UACA: variants seen among roughly 807,000 people sequenced by gnomAD.
UACA encodes uveal autoantigen with coiled-coil domains and ankyrin repeats.
In UACA, 112 loss-of-function variants were observed where a neutral mutation model predicts 160.5. The ratio of observed to expected loss-of-function variants is 0.70; its 90% CI spans 0.60 to 0.82. The LOEUF is 0.82. UACA is among the 40% of genes least tolerant of loss of function. UACA has a pLI of 0.00. For synonymous variants in UACA, 557 were observed against 568.4 expected, an observed-to-expected ratio of 0.98 and a Z score of 0.29; for missense variants, 1,574 against 1,614.6, an observed-to-expected ratio of 0.97 and a Z score of 0.43.
Position 70,668,516 on chromosome 15 carries a change from T to C in UACA, c.2168A>G (p.Tyr723Cys), listed in dbSNP as rs761196411. 3 of 1,610,278 alleles carry C rather than the reference T, an allele frequency of 1.9e-6. No individual in the cohort carries two copies. The South Asian group carries it at 3.3e-5, about 18-fold the overall frequency. Residue 723 changes from tyrosine to cysteine, a missense_variant, in exon 16 of 19, where the codon TAT becomes TGT. Transcript: ENST00000322954. ...CTCCTTGAGGAGCTTATTATCCAAA[T>C]AAACTTTTTCAATTTCCTTTTGTAG... Reference protein sequence around the residue: ...QTLQKEIEKVYLDNKLLKEQA... With the variant: ...QTLQKEIEKVCLDNKLLKEQA...
chr15:70,759,442 G>A (rs530900801), intron 1 of UACA, among the ~76,000 whole-genome samples: 1 of 152,302 alleles, frequency 6.6e-6, no homozygotes, highest in South Asian at 2.1e-4. Context: ...GATCACCTGA[G>A]GTCAGAAGTT....
rs78719631 is a variant in UACA, at chr15:70,702,241, G to A, written c.79-2581C>T. ...AGTTGTCCCTTTGAGGGACCCCACTGGAAAACTTGAACAGCACTCTGCATC... is the reference window on the plus strand; with the variant it reads ...AGTTGTCCCTTTGAGGGACCCCACTAGAAAACTTGAACAGCACTCTGCATC... On this transcript the variant is annotated intron_variant, in intron 1 of 18. Coordinates refer to ENST00000322954, the MANE Select transcript of UACA (RefSeq NM_018003.4). The A allele has an allele frequency of 2.5e-4, 268 of 1,076,202 alleles. 1 individual carries two copies. In the African/African-American group the frequency reaches 4.3e-3, roughly 17 times the overall value. 66.7% of individuals were successfully genotyped at this position (1,076,202 alleles called of 1,614,324 possible). A position where few individuals can be genotyped will look rare whatever the true frequency, so the allele number is the denominator to read the frequency against.
At chr15:70,751,058 A>ACAGCAG (rs1022193572) in intron 1 of UACA, among the ~76,000 whole-genome samples, 2 of 152,152 alleles carry the variant, frequency 1.3e-5, no homozygotes, top group African/African-American at 4.8e-5. Context: ...TTTTTAAAAG[A>ACAGCAG]CAGCAGCAGC....
At chr15:70,688,037 C>T (rs76245398) in intron 5 of UACA, among the ~76,000 whole-genome samples, 2,217 of 152,242 alleles carry the variant, frequency 0.015, 26 homozygotes, top group Non-Finnish European at 0.023. Flanking sequence ...CAAGGAATAA[C>T]GTCAACCTTG....
chr15:70,684,686 C>T (rs1441676213), intron 7 of UACA, among the ~76,000 whole-genome samples: 1 of 150,960 alleles, frequency 6.6e-6, no homozygotes, highest in Admixed American at 6.6e-5. Context: ...AACTGTAGTT[C>T]TACTTGAACA....
chr15:70,668,302 C>G lies in UACA; in HGVS notation c.2382G>C (p.Lys794Asn). The G allele has an allele frequency of 6.2e-7, 1 of 1,612,516 alleles. No individual in the cohort carries two copies. The highest frequency in any genetic ancestry group is 1.1e-5 in the South Asian group (1 of 90,554). The change falls in exon 16 of 19, where the codon AAG (lysine) becomes AAC (asparagine). Residue 794 changes from lysine to asparagine, a missense_variant. Physicochemically the swap from Lys to Asn is moderately conservative, Grantham distance 94. Coordinates refer to ENST00000322954, the MANE Select transcript of UACA (RefSeq NM_018003.4). The stretch of plus-strand genomic sequence containing the variant: ...ACACAGTTTCTAGGCGGCTTACATC[C>G]TTACTTAAGCTGTCATTTTCCAGTA... ...KLLLENDSLS[K>N]DVSRLETVFV...
chr15:70,711,771 T>A (rs1488596245), intron 1 of UACA, among the ~76,000 whole-genome samples: 2 of 152,108 alleles, frequency 1.3e-5, no homozygotes, highest in Non-Finnish European at 1.5e-5. Flanking sequence ...AATTACAGTA[T>A]ACTATAACAC....
intron 13 of UACA, among the ~76,000 whole-genome samples, chr15:70,672,812 G>C (rs942594714): frequency 2.0e-5 from 3 of 151,832 alleles, no homozygotes; most frequent in Non-Finnish European, 2.9e-5. Context: ...ATACAAGAAC[G>C]AGCTGGGTGC....
chr15:70,684,369 C>T lies in UACA; in HGVS notation c.680G>A (p.Ser227Asn), dbSNP rs756692970. Residue 227 changes from serine to asparagine, a missense_variant, in exon 8 of 19, where the codon AGC (serine) becomes AAC (asparagine). Coordinates refer to ENST00000322954, the MANE Select transcript of UACA (RefSeq NM_018003.4). The part of the protein sequence containing the change: ...EVLIKNGADI[S>N]LLDALGHDSS... ...ATCATGGCCAAGCGCATCCAGCAAG[C>T]TTATATCAGCACCATTTTTAATTAA... 1.9e-6 allele frequency: 3 copies of T among 1,613,790 alleles called. No homozygotes were observed. The highest frequency in any genetic ancestry group is 2.5e-6 in the Non-Finnish European group (3 of 1,179,816).
chr15:70,759,715 C>T (rs1486006049), intron 1 of UACA, among the ~76,000 whole-genome samples: 1 of 152,182 alleles, frequency 6.6e-6, no homozygotes, highest in Non-Finnish European at 1.5e-5. Context: ...TTATGGTTAA[C>T]AGATGCAGCC....
At chr15:70,721,484 G>A (rs571188504) in intron 1 of UACA, among the ~76,000 whole-genome samples, 5 of 152,150 alleles carry the variant, frequency 3.3e-5, no homozygotes, top group South Asian at 4.2e-4. Flanking sequence ...AAAATTAGCC[G>A]GGTGTGGTGG....
chr15:70,769,514 G>T, the UACA span, among the ~76,000 whole-genome samples: 1 of 150,912 alleles, frequency 6.6e-6, no homozygotes, highest in African/African-American at 2.4e-5. Flanking sequence ...GTAAAATCTG[G>T]ATATAGAAAT....
At chr15:70,697,035 TA>T (rs1328360547) in intron 2 of UACA, among the ~76,000 whole-genome samples, 1 of 152,210 alleles carries the variant, frequency 6.6e-6, no homozygotes, top group African/African-American at 2.4e-5. Flanking sequence ...AATTGCTTTA[TA>T]AAAAATACTA....
chr15:70,718,658 G>C (rs1898899043), intron 1 of UACA, among the ~76,000 whole-genome samples: 1 of 152,030 alleles, frequency 6.6e-6, no homozygotes, highest in Non-Finnish European at 1.5e-5. Flanking sequence ...TAAAGTTAGT[G>C]GGAAATATAA....
chr15:70,703,907 T>A (rs1189391104), intron 1 of UACA, among the ~76,000 whole-genome samples: 1 of 152,110 alleles, frequency 6.6e-6, no homozygotes, highest in Non-Finnish European at 1.5e-5. Context: ...TTCTCCAATG[T>A]CACTTCCTCA....
In UACA at chr15:70,710,555, C is replaced by G. The variant is rs193087485; in HGVS notation, c.79-10895G>C. 3.8e-3 allele frequency among the ~76,000 whole-genome samples: 578 copies of G among 152,280 alleles called. 2 individuals carry two copies. Among genetic ancestry groups the G allele is most frequent in the Non-Finnish European group, 4.4e-3 (299 of 68,038 alleles). On this transcript the variant is annotated intron_variant, in intron 1 of 18. Coordinates refer to ENST00000322954, the MANE Select transcript of UACA (RefSeq NM_018003.4). The stretch of plus-strand genomic sequence containing the variant: ...CTCAGTCCCATAAGACTGTCACTCC[C>G]ACCCTTCAGATGCCAACTGCAAGCC...
At chr15:70,673,572 T>C (rs1897209155) in intron 13 of UACA, among the ~76,000 whole-genome samples, 1 of 152,216 alleles carries the variant, frequency 6.6e-6, no homozygotes, top group Non-Finnish European at 1.5e-5. Context: ...CATACATGTA[T>C]TAGGGGGTGC....
chr15:70,771,226 G>A, the UACA span, among the ~76,000 whole-genome samples: 1 of 152,258 alleles, frequency 6.6e-6, no homozygotes, highest in Non-Finnish European at 1.5e-5. Context: ...CAGGAAGGAA[G>A]AACTTATGTT....
intron 13 of UACA, 107 bp from the exon 14 acceptor site, chr15:70,672,108 A>G: frequency 2.1e-6 from 2 of 933,758 alleles, no homozygotes; most frequent in Admixed American, 2.8e-5. Flanking sequence ...TACATTTTTG[A>G]CATTCTTGTT....
Sources: gnomAD v4.1 joint callset for allele counts (sites outside exome capture counted in the v4.1 genomes callset) on GRCh38, gnomAD v4.1.1 for gene constraint, MANE v1.5 for transcripts, NCBI Gene and HGNC (gene_info 2026-07-23, HGNC 2026-07-21) for gene names.